DCSTAMP: variants seen among roughly 807,000 people sequenced by gnomAD.
DCSTAMP encodes the protein dendrocyte expressed seven transmembrane protein, also known as dendritic cell-specific transmembrane protein.
In DCSTAMP, 25 loss-of-function variants were observed where a neutral mutation model predicts 33.8. The observed-to-expected ratio is 0.74, with a 90% CI of 0.54 to 1.03. The LOEUF is 1.03. Ranked by LOEUF, DCSTAMP falls within the 50% of genes least tolerant of loss-of-function variation. The probability of loss-of-function intolerance (pLI) is 0.00; values close to 1 mark genes in which losing one functional copy is unlikely to be tolerated. For missense variants in DCSTAMP, 531 were observed against 556.8 expected, an observed-to-expected ratio of 0.95 and a Z score of 0.47; for synonymous variants, 245 against 216.7, an observed-to-expected ratio of 1.13 and a Z score of -1.15.
chr8:104,341,128 CA>C (rs1328179572), intron 1 of DCSTAMP, among the ~76,000 whole-genome samples: 1 of 152,214 alleles, frequency 6.6e-6, no homozygotes, highest in Non-Finnish European at 1.5e-5. Context: ...GAGAAGGTCA[CA>C]TTTCTTCCTC....
rs777096318 is a variant in DCSTAMP at position 104,354,869 on chromosome 8, C to T, written c.1030-8C>T. 8 of 1,553,970 alleles carry T rather than the reference C, an allele frequency of 5.1e-6. No individual in the cohort carries two copies. The African/African-American group carries it at 9.6e-5, about 19-fold the overall frequency. On this transcript the variant is annotated splice_region_variant and splice_polypyrimidine_tract_variant and intron_variant, in intron 2 of 3. Transcript: ENST00000297581. ...ATGCATCATGATTATTTTATTCTTT[C>T]ATTTTAGAAACAAGGAACTCAAGAT...
In DCSTAMP at chr8:104,356,297, G is replaced by A. The variant is rs560113860; in HGVS notation, c.*99G>A. On this transcript the variant is annotated 3_prime_UTR_variant, in exon 4 of 4. Coordinates refer to ENST00000297581, the MANE Select transcript of DCSTAMP (RefSeq NM_030788.4). ...GCCGGATAATAGAGAACTATGTGAC[G>A]CAGTCCTCTCAGGAGTCTGAGTTTA... 2.9e-5 allele frequency: 35 copies of A among 1,214,110 alleles called. No homozygotes were observed. The African/African-American group carries it at 3.0e-4, about 10-fold the overall frequency. The allele number at this position is 1,214,110 out of a possible 1,614,324, so 75.2% of individuals were successfully genotyped here.
At chr8:104,353,177 C>T (rs1255200218) in intron 2 of DCSTAMP, among the ~76,000 whole-genome samples, 1 of 152,220 alleles carries the variant, frequency 6.6e-6, no homozygotes, top group Admixed American at 6.5e-5. Context: ...GCTGCATTAA[C>T]TTTTCAGGAC....
intron 1 of DCSTAMP, among the ~76,000 whole-genome samples, chr8:104,346,393 T>A (rs1810314970): frequency 6.6e-6 from 1 of 152,228 alleles, no homozygotes; most frequent in African/African-American, 2.4e-5. Context: ...GTGGAGCCTG[T>A]CTGACTCGGT....
intron 3 of DCSTAMP, 83 bp from the exon 4 acceptor site, chr8:104,356,041 C>T (rs2140480577): frequency 7.9e-7 from 1 of 1,262,122 alleles, no homozygotes; most frequent in Non-Finnish European, 1.1e-6. Flanking sequence ...ACATCTTTAA[C>T]CCCACAATGA....
At position 104,356,433 on chromosome 8, in the gene DCSTAMP, G is replaced by T. The variant is rs559435642; in HGVS notation, c.*235G>T. On this transcript the variant is annotated 3_prime_UTR_variant, in exon 4 of 4. Coordinates refer to ENST00000297581, the MANE Select transcript of DCSTAMP (RefSeq NM_030788.4). ...CCAAACAAACCACATGATCTTGCCT[G>T]TGTCACAATGTAACAAGACTCTAGC... 3.1e-6 allele frequency: 1 copy of T among 325,482 alleles called. No homozygotes were observed. The highest frequency in any genetic ancestry group is 5.6e-6 in the Non-Finnish European group (1 of 178,694). The allele number at this position is 325,482 out of a possible 1,614,324, so 20.2% of individuals were successfully genotyped here.
chr8:104,348,860 C>T lies in DCSTAMP; in HGVS notation c.308C>T (p.Thr103Ile). 6.2e-7 allele frequency: 1 copy of T among 1,614,162 alleles called. No individual in the cohort carries two copies. Reference protein sequence around the residue: ...EGRNALIAAGTGIVILGHVEN... With the variant: ...EGRNALIAAGIGIVILGHVEN... Reference sequence around the variant, plus strand: ...AGGAATGCTTTGATTGCAGCTGGCACAGGGATCGTCATCTTGGGACACGTA... The same window carrying T: ...AGGAATGCTTTGATTGCAGCTGGCATAGGGATCGTCATCTTGGGACACGTA... Residue 103 changes from threonine to isoleucine, a missense_variant, in exon 2 of 4, where the codon ACA becomes ATA. Thr to Ile is a moderately conservative substitution (Grantham distance 89). Transcript: ENST00000297581.
rs371947817 is a variant in DCSTAMP, at chr8:104,356,196, T to C, written c.1411T>C (p.Ter471ArgextTer18). Residue 471 changes from the stop codon to arginine (R), a stop_lost, in exon 4 of 4, where the codon TGA (stop) becomes CGA (arginine). Transcript: ENST00000297581. ...QMDMASADKS[*>R] ...GGACATGGCAAGTGCAGACAAGTCA[T>C]GAGAGACCCCGACTACTCCTCAGCC... 1 of 1,611,470 alleles carries C rather than the reference T, an allele frequency of 6.2e-7. No individual in the cohort carries two copies. The highest frequency in any genetic ancestry group is 8.5e-7 in the Non-Finnish European group (1 of 1,178,892).
chr8:104,351,357 A>G (rs1588376026), intron 2 of DCSTAMP, among the ~76,000 whole-genome samples: 1 of 152,204 alleles, frequency 6.6e-6, no homozygotes, highest in East Asian at 1.9e-4. Flanking sequence ...GGTTAAGTAC[A>G]CTAGCCCAGG....
Position 104,348,787 on chromosome 8 carries a change from C to A in DCSTAMP, c.235C>A (p.Arg79=), listed in dbSNP as rs200311973. The part of the protein sequence containing the change: ...CVLLCCSKHA[R]CFILLVFLSC... Reference sequence around the variant, plus strand: ...TCTGCTGTGTTGCTCCAAGCATGCACGATGTTTTATTCTTCTTGTCTTTCT... The same window carrying A: ...TCTGCTGTGTTGCTCCAAGCATGCAAGATGTTTTATTCTTCTTGTCTTTCT... The change falls in exon 2 of 4, where the codon CGA becomes AGA. Residue 79 remains arginine, a synonymous_variant. Transcript: ENST00000297581. 1.2e-6 allele frequency: 2 copies of A among 1,614,116 alleles called. No individual in the cohort carries two copies. Among genetic ancestry groups the A allele is most frequent in the South Asian group, 2.2e-5 (2 of 91,084 alleles).
Position 104,356,196 on chromosome 8 carries a change from T to G in DCSTAMP, c.1411T>G (p.Ter471GlyextTer18). 6.2e-7 allele frequency: 1 copy of G among 1,611,588 alleles called. No homozygotes were observed. Among genetic ancestry groups the G allele is most frequent in the South Asian group, 1.1e-5 (1 of 90,558 alleles). The change falls in exon 4 of 4, where the codon TGA becomes GGA. Residue 471 changes from the stop codon to glycine, a stop_lost. Coordinates refer to ENST00000297581, the MANE Select transcript of DCSTAMP (RefSeq NM_030788.4). ...GGACATGGCAAGTGCAGACAAGTCATGAGAGACCCCGACTACTCCTCAGCC... is the reference window on the plus strand; with the variant it reads ...GGACATGGCAAGTGCAGACAAGTCAGGAGAGACCCCGACTACTCCTCAGCC... ...QMDMASADKS[*>G]
At chr8:104,343,926 C>T (rs1431703935) in intron 1 of DCSTAMP, among the ~76,000 whole-genome samples, 1 of 152,202 alleles carries the variant, frequency 6.6e-6, no homozygotes, top group Non-Finnish European at 1.5e-5. Flanking sequence ...CTGTTGAAGC[C>T]ACCCAGCCTG....
In DCSTAMP at chr8:104,349,246, A is replaced by C; in HGVS notation, c.694A>C (p.Lys232Gln). The C allele has an allele frequency of 1.9e-6, 3 of 1,614,210 alleles. No homozygotes were observed. Among genetic ancestry groups the C allele is most frequent in the Non-Finnish European group, 2.5e-6 (3 of 1,180,040 alleles). ...CCTGCTTGGCACTGGCCTCTTCATGAAGCGATTTTTGGGCCCTTGTGGTTG... is the reference window on the plus strand; with the variant it reads ...CCTGCTTGGCACTGGCCTCTTCATGCAGCGATTTTTGGGCCCTTGTGGTTG... ...LVLLGTGLFMKRFLGPCGWKY... is the reference protein window; with the variant it reads ...LVLLGTGLFMQRFLGPCGWKY... The change falls in exon 2 of 4, where the codon AAG becomes CAG. Residue 232 changes from lysine to glutamine, a missense_variant. Lys to Gln is a moderately conservative substitution (Grantham distance 53, BLOSUM62 1). Transcript: ENST00000297581.
rs766461731 is a variant in DCSTAMP, at chr8:104,354,888, T to C, written c.1041T>C (p.Thr347=). ...HLKLHGEKQG[T]QDIIHDSSFN... is the part of the protein sequence containing the mutation. ...TTCTTTCATTTTAGAAACAAGGAAC[T>C]CAAGATATTATCCATGATTCTTCCT... The change falls in exon 3 of 4, where the codon ACT becomes ACC. Residue 347 remains threonine (T), a synonymous_variant. Coordinates refer to ENST00000297581, the MANE Select transcript of DCSTAMP (RefSeq NM_030788.4). The C allele has an allele frequency of 5.7e-6, 9 of 1,590,232 alleles. No homozygotes were observed. Among genetic ancestry groups the C allele is most frequent in the Middle Eastern group, 1.7e-4 (1 of 5,972 alleles).
chr8:104,347,828 G>A (rs548202398), intron 1 of DCSTAMP, among the ~76,000 whole-genome samples: 1 of 152,102 alleles, frequency 6.6e-6, no homozygotes, highest in Non-Finnish European at 1.5e-5. Flanking sequence ...ATATTACCTC[G>A]CATGGTAAAA....
At chr8:104,347,648 G>GC (rs550873532) in intron 1 of DCSTAMP, among the ~76,000 whole-genome samples, 250 of 152,246 alleles carry the variant, frequency 1.6e-3, no homozygotes, top group African/African-American at 3.9e-3. Flanking sequence ...CTGAGAACCA[G>GC]CTGGTCTAGG....
intron 1 of DCSTAMP, among the ~76,000 whole-genome samples, chr8:104,342,611 C>T (rs2099383108): frequency 6.6e-6 from 1 of 152,242 alleles, no homozygotes; most frequent in Non-Finnish European, 1.5e-5. Context: ...CTCCTTACTT[C>T]CTTCACTGTT....
rs1368267685 is a variant in DCSTAMP at position 104,355,057 on chromosome 8, G to A, written c.1210G>A (p.Val404Met). The change falls in exon 3 of 4, where the codon GTG (valine) becomes ATG (methionine). Residue 404 changes from valine to methionine, a missense_variant. Transcript: ENST00000297581. Reference sequence around the variant, plus strand: ...TATCCTTATGCAACTTAAAATCCTGGTGTCAGCATCTTTCTACCCCAGCGT... The same window carrying A: ...TATCCTTATGCAACTTAAAATCCTGATGTCAGCATCTTTCTACCCCAGCGT... ...SSILMQLKILVSASFYPSVER... is the reference protein window; with the variant it reads ...SSILMQLKILMSASFYPSVER... 6.2e-7 allele frequency: 1 copy of A among 1,614,014 alleles called. No individual in the cohort carries two copies. The highest frequency in any genetic ancestry group is 8.5e-7 in the Non-Finnish European group (1 of 1,179,996).
At chr8:104,351,562 A>G (rs1418890436) in intron 2 of DCSTAMP, among the ~76,000 whole-genome samples, 1 of 152,226 alleles carries the variant, frequency 6.6e-6, no homozygotes, top group Non-Finnish European at 1.5e-5. Flanking sequence ...AGTAGCACTC[A>G]TGGATTGCTG....
Sources: allele counts gnomAD v4.1 joint callset (sites outside exome capture counted in the v4.1 genomes callset), GRCh38; gene constraint gnomAD v4.1.1; transcripts MANE v1.5; gene names NCBI Gene and HGNC (gene_info 2026-07-23, HGNC 2026-07-21).